The following PDZD2 variants were observed in gnomAD, a reference collection of about 807,000 sequenced individuals.
PDZD2 encodes PDZ domain containing 2.
A neutral mutation model predicts 220.7 loss-of-function variants in PDZD2; 90 were observed. The ratio of observed to expected loss-of-function variants is 0.41; its 90% CI spans 0.34 to 0.49. The LOEUF is 0.49. Ranked by LOEUF, PDZD2 falls within the 20% of genes least tolerant of loss-of-function variation. The pLI is 0.28. For synonymous variants in PDZD2, 1,375 were observed against 1,450.5 expected, an observed-to-expected ratio of 0.95 and a Z score of 1.18; for missense variants, 3,174 against 3,608.5, an observed-to-expected ratio of 0.88 and a Z score of 3.08.
intron 2 of PDZD2, among the ~76,000 whole-genome samples, chr5:31,978,411 GA>G (rs1021590354): frequency 6.6e-6 from 1 of 152,116 alleles, no homozygotes; most frequent in African/African-American, 2.4e-5. Flanking sequence ...GCCTCATGTT[GA>G]AGGTGGTTTA....
At chr5:31,776,626 TTTTATTTATTTA>T (rs150070722) in intron 1 of PDZD2, among the ~76,000 whole-genome samples, 60,715 of 140,922 alleles carry the variant, frequency 0.43, 13,633 homozygotes, top group African/African-American at 0.48. Context: ...TTATTTTTTA[TTTTATTTATTTA>T]TTTATTTATT....
chr5:32,060,367 T>C (rs141758113), intron 13 of PDZD2, among the ~76,000 whole-genome samples: 16 of 152,350 alleles, frequency 1.1e-4, no homozygotes, highest in Admixed American at 2.6e-4. Flanking sequence ...TACTGACTTC[T>C]CTCCCTGTAA....
At chr5:31,678,303 G>T (rs1201838665) in intron 1 of PDZD2, among the ~76,000 whole-genome samples, 1 of 152,196 alleles carries the variant, frequency 6.6e-6, no homozygotes, top group Non-Finnish European at 1.5e-5. Flanking sequence ...AGAGCTCTGG[G>T]CTAGCACAGC....
chr5:31,803,609 G>A (rs1754534145), intron 2 of PDZD2, among the ~76,000 whole-genome samples: 1 of 151,912 alleles, frequency 6.6e-6, no homozygotes, highest in South Asian at 2.1e-4. Context: ...GAGATAATTG[G>A]GTATGGCTCT....
chr5:31,789,540 T>C (rs1753577927), intron 1 of PDZD2, among the ~76,000 whole-genome samples: 1 of 152,348 alleles, frequency 6.6e-6, no homozygotes, highest in Admixed American at 6.5e-5. Flanking sequence ...CTGGGTGTTA[T>C]GTGGTCTTCT....
Position 31,639,771 on chromosome 5 carries a change from C to A in PDZD2, c.-361+334C>A, listed in dbSNP as rs951022984. 4.6e-5 allele frequency among the ~76,000 whole-genome samples: 7 copies of A among 152,166 alleles called. No individual in the cohort carries two copies. The highest frequency in any genetic ancestry group is 1.7e-4 in the African/African-American group (7 of 41,468). ...GGGACCTCCTGCTCGGGCGCGCATC[C>A]CGGGTCCCCATCCCTGGGCCGTCTT... On this transcript the variant is annotated intron_variant, in intron 1 of 24. Coordinates refer to ENST00000438447, the MANE Select transcript of PDZD2 (RefSeq NM_178140.4). This position sits in a 1 kb window ranked among gnomAD's most constrained non-coding sequence, Gnocchi z 4.1.
intron 1 of PDZD2, among the ~76,000 whole-genome samples, chr5:31,709,606 G>A (rs568961698): frequency 1.3e-5 from 2 of 152,266 alleles, no homozygotes; most frequent in East Asian, 3.9e-4. Flanking sequence ...CACCTCCCCC[G>A]ACAACTCTAG....
intron 1 of PDZD2, among the ~76,000 whole-genome samples, chr5:31,780,362 A>G (rs1188029613): frequency 6.6e-6 from 1 of 152,180 alleles, no homozygotes; most frequent in African/African-American, 2.4e-5. Context: ...TAAGTTCACA[A>G]GGCAGTTCAA....
chr5:31,673,534 T>G (rs1200082969), intron 1 of PDZD2, among the ~76,000 whole-genome samples: 1 of 152,152 alleles, frequency 6.6e-6, no homozygotes, highest in East Asian at 1.9e-4. Flanking sequence ...GATTAGTTAG[T>G]GCTACAAACT....
chr5:31,870,190 C>A (rs1017817343), intron 2 of PDZD2, among the ~76,000 whole-genome samples: 1 of 152,040 alleles, frequency 6.6e-6, no homozygotes, highest in Non-Finnish European at 1.5e-5. Flanking sequence ...GTCTGAGTCA[C>A]CTGCTGAGGG....
intron 1 of PDZD2, among the ~76,000 whole-genome samples, chr5:31,674,420 A>G (rs907106144): frequency 2.6e-5 from 4 of 152,356 alleles, no homozygotes; most frequent in Non-Finnish European, 5.9e-5. Context: ...GTGTTTCTCA[A>G]TGATATTTAT....
At chr5:31,918,153 T>A (rs900246376) in intron 2 of PDZD2, among the ~76,000 whole-genome samples, 1 of 152,140 alleles carries the variant, frequency 6.6e-6, no homozygotes, top group Non-Finnish European at 1.5e-5. Context: ...CTCACTATCA[T>A]GAGAAGAGCA....
intron 2 of PDZD2, among the ~76,000 whole-genome samples, chr5:31,949,114 A>G (rs1746942993): frequency 6.6e-6 from 1 of 151,082 alleles, no homozygotes; most frequent in African/African-American, 2.4e-5. Flanking sequence ...AAAAAAAAAA[A>G]AAAAAAAAAT....
intron 2 of PDZD2, among the ~76,000 whole-genome samples, chr5:31,821,770 C>CTTA (rs1755879361): frequency 6.6e-6 from 1 of 152,032 alleles, no homozygotes; most frequent in Non-Finnish European, 1.5e-5. Flanking sequence ...TTGTGGTTTG[C>CTTA]TGCGCCCATC....
At chr5:31,877,501 G>C (rs1739414032) in intron 2 of PDZD2, among the ~76,000 whole-genome samples, 1 of 152,050 alleles carries the variant, frequency 6.6e-6, no homozygotes, top group Non-Finnish European at 1.5e-5. Flanking sequence ...TTACAGGCAT[G>C]AGACACCATG....
At chr5:32,008,380 G>A (rs1020461594) in intron 5 of PDZD2, among the ~76,000 whole-genome samples, 1 of 150,486 alleles carries the variant, frequency 6.6e-6, no homozygotes, top group East Asian at 1.9e-4. Context: ...TTCCGGGTTC[G>A]AGGGATTCTT....
intron 2 of PDZD2, among the ~76,000 whole-genome samples, chr5:31,806,613 T>A (rs1000385825): frequency 1.3e-5 from 2 of 152,212 alleles, no homozygotes; most frequent in African/African-American, 2.4e-5. Flanking sequence ...GAGGAAAGTT[T>A]TTGTTTGTGA....
At chr5:31,796,568 T>C (rs1754038297) in intron 1 of PDZD2, among the ~76,000 whole-genome samples, 1 of 152,140 alleles carries the variant, frequency 6.6e-6, no homozygotes, top group Non-Finnish European at 1.5e-5. Flanking sequence ...GGAAGAACCC[T>C]GATTGTCCCA....
At chr5:31,694,394 A>AAAACAAAC (rs556324999) in intron 1 of PDZD2, among the ~76,000 whole-genome samples, 4,094 of 136,196 alleles carry the variant, frequency 0.03, 82 homozygotes, top group South Asian at 0.08. Flanking sequence ...TCCATCTCAA[A>AAAACAAAC]AAACAAACAA....
Sources: allele counts gnomAD v4.1 joint callset (sites outside exome capture counted in the v4.1 genomes callset), GRCh38; gene constraint gnomAD v4.1.1; non-coding constraint Gnocchi (gnomAD v3.1); transcripts MANE v1.5; gene names NCBI Gene and HGNC (gene_info 2026-07-23, HGNC 2026-07-21).